Variants in MAGI2 observed in about 807,000 individuals in gnomAD.
The protein encoded by MAGI2 is membrane associated guanylate kinase, WW and PDZ domain containing 2.
MAGI2 carries 35 observed loss-of-function variants against 133.3 expected under a neutral mutation model. The observed-to-expected ratio is 0.26, with a 90% CI of 0.20 to 0.35. MAGI2 has a LOEUF of 0.35. Ranked by LOEUF, MAGI2 falls within the 10% of genes least tolerant of loss-of-function variation. MAGI2 has a pLI of 1.00. For missense variants in MAGI2, 1,636 were observed against 1,863.4 expected, an observed-to-expected ratio of 0.88 and a Z score of 2.25; for synonymous variants, 729 against 710.6, an observed-to-expected ratio of 1.03 and a Z score of -0.41.
intron 1 of MAGI2, among the ~76,000 whole-genome samples, chr7:79,030,607 A>G (rs1810471064): frequency 6.6e-6 from 1 of 152,226 alleles, no homozygotes. Flanking sequence ...CAGGTGTTTA[A>G]GTAGACAGTG....
intron 2 of MAGI2, among the ~76,000 whole-genome samples, chr7:78,671,343 C>T (rs1047320845): frequency 2.0e-5 from 3 of 151,550 alleles, no homozygotes; most frequent in Non-Finnish European, 4.4e-5. Flanking sequence ...ACATTACGCA[C>T]CTCAGAGAAA....
chr7:78,752,461 G>A (rs888554806), intron 2 of MAGI2, among the ~76,000 whole-genome samples: 2 of 150,960 alleles, frequency 1.3e-5, no homozygotes, highest in African/African-American at 5.0e-5. Context: ...AAATCAGCTG[G>A]GCATGGTGGT....
intron 1 of MAGI2, among the ~76,000 whole-genome samples, chr7:79,267,977 G>A (rs1436932677): frequency 6.6e-6 from 1 of 152,144 alleles, no homozygotes; most frequent in Non-Finnish European, 1.5e-5. Context: ...AAGCCTAGGT[G>A]TGATGACATT....
chr7:79,050,779 C>G (rs149785646), intron 1 of MAGI2, among the ~76,000 whole-genome samples: 16 of 152,340 alleles, frequency 1.1e-4, no homozygotes, highest in African/African-American at 2.9e-4. Context: ...AGTCTCCTGG[C>G]TGAAAGCCAA....
intron 9 of MAGI2, among the ~76,000 whole-genome samples, chr7:78,282,805 T>C (rs1795756081): frequency 6.6e-6 from 1 of 152,004 alleles, no homozygotes; most frequent in Non-Finnish European, 1.5e-5. Flanking sequence ...GTTGACTTCA[T>C]GAGGGGTGGG....
chr7:78,538,504 A>G (rs1177078517), intron 3 of MAGI2, among the ~76,000 whole-genome samples: 2 of 152,174 alleles, frequency 1.3e-5, no homozygotes, highest in Non-Finnish European at 2.9e-5. Flanking sequence ...GAGTTATTTC[A>G]GCAGTGTTTT....
intron 2 of MAGI2, among the ~76,000 whole-genome samples, chr7:78,781,800 CCTAA>C (rs1417215514): frequency 6.6e-6 from 1 of 152,074 alleles, no homozygotes; most frequent in Admixed American, 6.5e-5. Flanking sequence ...GAAAAAACAT[CCTAA>C]CTATTAGCGA....
At chr7:78,559,257 G>A (rs1447865213) in intron 3 of MAGI2, among the ~76,000 whole-genome samples, 11 of 140,908 alleles carry the variant, frequency 7.8e-5, no homozygotes, top group African/African-American at 2.9e-4. Flanking sequence ...TTTTTTTCCA[G>A]TTGTAAAGAT....
intron 2 of MAGI2, among the ~76,000 whole-genome samples, chr7:78,938,195 G>A (rs1800669844): frequency 6.6e-6 from 1 of 151,740 alleles, no homozygotes; most frequent in South Asian, 2.1e-4. Context: ...CTTGTACAAA[G>A]GAAAAACTGG....
chr7:78,083,388 GAGAGAGAGAGAGA>G (rs1563098814), intron 20 of MAGI2, among the ~76,000 whole-genome samples: 8 of 9,818 alleles, frequency 8.1e-4, no homozygotes, highest in Admixed American at 2.6e-3. Flanking sequence ...GGGAGGGGGG[GAGAGAGAGAGAGA>G]GAGAGAGAGA....
chr7:78,334,905 G>C lies in MAGI2; in HGVS notation c.1408+8873C>G, dbSNP rs1789595889. ...ATATGGAATGTCAGTAAAGGCATGAGAGCAGAGGTATCATGACTTTGAAAA... is the reference window on the plus strand; with the variant it reads ...ATATGGAATGTCAGTAAAGGCATGACAGCAGAGGTATCATGACTTTGAAAA... On this transcript the variant is annotated intron_variant, in intron 9 of 21. Transcript: ENST00000354212. Among the ~76,000 whole-genome samples the C allele has an allele frequency of 2.6e-5, 4 of 152,180 alleles. No homozygotes were observed. The South Asian group carries it at 8.3e-4, about 32-fold the overall frequency.
intron 1 of MAGI2, among the ~76,000 whole-genome samples, chr7:79,364,017 A>G (rs1199301014): frequency 6.6e-6 from 1 of 151,998 alleles, no homozygotes; most frequent in Non-Finnish European, 1.5e-5. Context: ...TCCTCAGACA[A>G]ATGCAAATTA....
At chr7:79,102,127 T>C (rs1818038704) in intron 1 of MAGI2, among the ~76,000 whole-genome samples, 1 of 152,162 alleles carries the variant, frequency 6.6e-6, no homozygotes, top group Non-Finnish European at 1.5e-5. Context: ...ATTTTATTTA[T>C]TTTTTATTTT....
chr7:78,825,742 T>C (rs1197736403), intron 2 of MAGI2, among the ~76,000 whole-genome samples: 1 of 152,198 alleles, frequency 6.6e-6, no homozygotes, highest in African/African-American at 2.4e-5. Flanking sequence ...AAATAATGCA[T>C]GTAAGCCTGT....
intron 3 of MAGI2, among the ~76,000 whole-genome samples, chr7:78,585,222 G>A (rs1485713797): frequency 1.3e-5 from 2 of 152,172 alleles, no homozygotes; most frequent in Admixed American, 1.3e-4. Context: ...GCAATTTAGG[G>A]AGACAGAGCA....
intron 15 of MAGI2, among the ~76,000 whole-genome samples, chr7:78,162,870 C>T (rs181983137): frequency 2.5e-4 from 38 of 152,308 alleles, no homozygotes; most frequent in Admixed American, 3.9e-4. Flanking sequence ...GACCCCACAT[C>T]ATTTTTCTAC....
chr7:79,293,884 T>C (rs1182287101), intron 1 of MAGI2, among the ~76,000 whole-genome samples: 2 of 152,212 alleles, frequency 1.3e-5, no homozygotes, highest in Non-Finnish European at 2.9e-5. Flanking sequence ...GTACTTCATA[T>C]ACAAAAGTTG....
chr7:78,556,286 C>A lies in MAGI2; in HGVS notation c.539-34641G>T, dbSNP rs545321844. ...AACAGGGTGGGACATAAATGTCACT[C>A]TTCTGATACCTTTGCCCAGGGCCAT... On this transcript the variant is annotated intron_variant, in intron 3 of 21. Transcript: ENST00000354212. Among the ~76,000 whole-genome samples the A allele has an allele frequency of 1.3e-4, 20 of 152,262 alleles. No homozygotes were observed. The South Asian group carries it at 4.1e-3, about 32-fold the overall frequency.
Position 78,591,671 on chromosome 7 carries a change from C to G in MAGI2, c.538+35449G>C, listed in dbSNP as rs2150845138. Among the ~76,000 whole-genome samples the G allele has an allele frequency of 1.3e-5, 2 of 152,338 alleles. 1 individual carries two copies. Among genetic ancestry groups the G allele is most frequent in the East Asian group, 3.9e-4 (2 of 5,180 alleles). On this transcript the variant is annotated intron_variant, in intron 3 of 21. Transcript: ENST00000354212. Reference sequence around the variant, plus strand: ...CCTGTCCTAATGGAAGCATTTGGGACTTGAAAAATTGAGTCTGGCTCCTCA... The same window carrying G: ...CCTGTCCTAATGGAAGCATTTGGGAGTTGAAAAATTGAGTCTGGCTCCTCA...
Sources: allele counts gnomAD v4.1 joint callset (sites outside exome capture counted in the v4.1 genomes callset), GRCh38; gene constraint gnomAD v4.1.1; transcripts MANE v1.5; gene names NCBI Gene and HGNC (gene_info 2026-07-23, HGNC 2026-07-21).